Variants in MFAP5 observed in about 807,000 individuals in gnomAD.
MFAP5 encodes microfibril associated protein 5, also known as microfibrillar-associated protein 5.
Under a neutral mutation model 30.1 loss-of-function variants are expected in MFAP5, and 19 were observed. The ratio of observed to expected loss-of-function variants is 0.63; its 90% CI spans 0.44 to 0.93. MFAP5 has a LOEUF of 0.93. MFAP5 is among the 40% of genes least tolerant of loss of function. The pLI, the probability that MFAP5 is intolerant of heterozygous loss-of-function variation, is 0.00. For missense variants in MFAP5, 210 were observed against 221.3 expected (o/e 0.95, Z 0.32); for synonymous variants, 92 against 72.9 (o/e 1.26, Z -1.33).
At chr12:8,654,655 T>C (rs1251623489) in intron 5 of MFAP5, among the ~76,000 whole-genome samples, 174 bp from the exon 6 acceptor site, 2 of 152,150 alleles carry the variant, frequency 1.3e-5, no homozygotes, top group African/African-American at 4.8e-5. Flanking sequence ...TTAAAGAATA[T>C]TAGTCCTGGG....
chr12:8,650,222 C>T (rs1387861161), intron 8 of MFAP5, among the ~76,000 whole-genome samples: 1 of 152,142 alleles, frequency 6.6e-6, no homozygotes. Flanking sequence ...CTCCTTCTAT[C>T]AGGTAATAAA....
chr12:8,660,752 T>C, intron 3 of MFAP5, 111 bp downstream of exon 3: 2 of 655,682 alleles, frequency 3.1e-6, no homozygotes, highest in Non-Finnish European at 4.6e-6. Context: ...AAATATTCTT[T>C]TTTTTTTTTT....
chr12:8,652,744 C>G (rs1467949472), intron 6 of MFAP5, among the ~76,000 whole-genome samples: 1 of 152,168 alleles, frequency 6.6e-6, no homozygotes, highest in African/African-American at 2.4e-5. Flanking sequence ...ACCTATAAAT[C>G]CAACTGCCTT....
intron 5 of MFAP5, 44 bp downstream of exon 5, chr12:8,655,371 A>C (rs1406891730): frequency 6.7e-7 from 1 of 1,501,292 alleles, no homozygotes; most frequent in Non-Finnish European, 9.1e-7. Flanking sequence ...TGTGAATATT[A>C]ACAAGAACCA....
In MFAP5 at chr12:8,649,537, A is replaced by C; in HGVS notation, c.373T>G (p.Ser125Ala). 6.2e-7 allele frequency: 1 copy of C among 1,614,054 alleles called. No homozygotes were observed. The highest frequency in any genetic ancestry group is 1.6e-4 in the Middle Eastern group (1 of 6,062). The change falls in exon 9 of 10, where the codon TCT (serine) becomes GCT (alanine). Residue 125 changes from serine to alanine, a missense_variant. Transcript: ENST00000359478. ...TCGTGTTCCTTACAGACAAGACGAG[A>C]GCAGATCTCCTTGTTGACGATGTAC... Reference protein sequence around the residue: ...RMYIVNKEICSRLVCKEHEAM... With the variant: ...RMYIVNKEICARLVCKEHEAM...
intron 9 of MFAP5, 154 bp from the exon 10 acceptor site, chr12:8,648,357 ATT>A: frequency 1.1e-6 from 1 of 903,990 alleles, no homozygotes; most frequent in Non-Finnish European, 1.6e-6. Context: ...TACTTTAGTT[ATT>A]TGCCACTTCC....
rs1371261487 is a variant in MFAP5, at chr12:8,648,045, C to T, written c.*46G>A. 3 of 1,422,318 alleles carry T rather than the reference C, an allele frequency of 2.1e-6. No homozygotes were observed. The highest frequency in any genetic ancestry group is 1.8e-5 in the Admixed American group (1 of 57,068). The allele number at this position is 1,422,318 out of a possible 1,614,324, so 88.1% of individuals were successfully genotyped here. A position where few individuals can be genotyped will look rare whatever the true frequency, so the allele number is the denominator to read the frequency against. ...ATGGTTGGAGAAGAAGGAGATCCTCCTTCCTCTCACCCATACATTTTTTCT... is the reference window on the plus strand; with the variant it reads ...ATGGTTGGAGAAGAAGGAGATCCTCTTTCCTCTCACCCATACATTTTTTCT... On this transcript the variant is annotated 3_prime_UTR_variant, in exon 10 of 10. Coordinates refer to ENST00000359478, the MANE Select transcript of MFAP5 (RefSeq NM_003480.4).
chr12:8,646,325 C>A lies in MFAP5; in HGVS notation c.*1766G>T, dbSNP rs899277757. The A allele has an allele frequency of 3.9e-5, 6 of 152,078 alleles. No individual in the cohort carries two copies. The highest frequency in any genetic ancestry group is 5.9e-5 in the Non-Finnish European group (4 of 68,012). 9.4% of individuals were successfully genotyped at this position (152,078 alleles called of 1,614,324 possible). On this transcript the variant is annotated 3_prime_UTR_variant, in exon 10 of 10. Coordinates refer to ENST00000359478, the MANE Select transcript of MFAP5 (RefSeq NM_003480.4). ...CTGATCATTTAACTAGTTTTCTCAG[C>A]AATATAAAAGGAATACAACCTCCAC... is the stretch of plus-strand genomic sequence containing the variant.
Position 8,659,127 on chromosome 12 carries a change from G to A in MFAP5, c.94+1736C>T, listed in dbSNP as rs150912995. Among the ~76,000 whole-genome samples, 549 of 151,430 alleles carry A rather than the reference G, an allele frequency of 3.6e-3. 4 individuals are homozygous for A. Among genetic ancestry groups the A allele is most frequent in the African/African-American group, 0.013 (519 of 41,284 alleles). On this transcript the variant is annotated intron_variant, in intron 3 of 9. Coordinates refer to ENST00000359478, the MANE Select transcript of MFAP5 (RefSeq NM_003480.4). ...AGTTTGCGACCAGCCTGACTAACACGGTGAAACCCTGTCTCTACTAAATAC... is the reference window on the plus strand; with the variant it reads ...AGTTTGCGACCAGCCTGACTAACACAGTGAAACCCTGTCTCTACTAAATAC...
chr12:8,661,954 A>C, intron 2 of MFAP5, 93 bp downstream of exon 2: 1 of 1,199,084 alleles, frequency 8.3e-7, no homozygotes, highest in Non-Finnish European at 1.2e-6. Flanking sequence ...CTCTACTGCT[A>C]TTCCTCTTCG....
chr12:8,648,444 G>T (rs1223438517), intron 9 of MFAP5: 3 of 1,049,416 alleles, frequency 2.9e-6, no homozygotes, highest in Non-Finnish European at 2.6e-6. Context: ...TACCTCAACA[G>T]TATATTTCTG....
chr12:8,652,477 T>A, intron 6 of MFAP5, among the ~76,000 whole-genome samples: 1 of 110,296 alleles, frequency 9.1e-6, no homozygotes, highest in Admixed American at 9.5e-5. Flanking sequence ...AATAAATAAA[T>A]AAAGAATAAT....
At chr12:8,656,219 C>G (rs762986649) in intron 3 of MFAP5, among the ~76,000 whole-genome samples, 3 of 151,788 alleles carry the variant, frequency 2.0e-5, no homozygotes, top group Admixed American at 2.0e-4. Flanking sequence ...CGCCACAGCG[C>G]CCGGCTAATT....
At chr12:8,651,916 C>G (rs772633770) in intron 6 of MFAP5, 6 of 540,006 alleles carry the variant, frequency 1.1e-5, no homozygotes, top group Non-Finnish European at 1.7e-5. Flanking sequence ...TTCTCCTTTC[C>G]TTTCTAAAGA....
rs1255888266 is a variant in MFAP5 at position 8,662,799 on chromosome 12, A to G, written c.-175T>C. ...TGAGATGAGGGAGAGCAAGAAAGCC[A>G]GGCTAGGCGTAGAATGTGTGTTACA... On this transcript the variant is annotated 5_prime_UTR_variant, in exon 1 of 10. Transcript: ENST00000359478. The G allele has an allele frequency of 6.6e-6, 1 of 152,392 alleles. No homozygotes were observed. The highest frequency in any genetic ancestry group is 2.4e-5 in the African/African-American group (1 of 41,456). 9.4% of individuals were successfully genotyped at this position (152,392 alleles called of 1,614,324 possible).
intron 6 of MFAP5, among the ~76,000 whole-genome samples, chr12:8,653,558 A>G (rs187143142): frequency 5.9e-5 from 9 of 152,230 alleles, no homozygotes; most frequent in Non-Finnish European, 1.5e-5. Flanking sequence ...TCCCTCTTCT[A>G]TTAACTTAGT....
rs973840514 is a variant in MFAP5, at chr12:8,646,949, T to G, written c.*1142A>C. On this transcript the variant is annotated 3_prime_UTR_variant, in exon 10 of 10. Transcript: ENST00000359478. Reference sequence around the variant, plus strand: ...TGCGCCCAGCAGTACTAAGATAAATTTAACCTTCTCATTTTAAAGATGAGG... The same window carrying G: ...TGCGCCCAGCAGTACTAAGATAAATGTAACCTTCTCATTTTAAAGATGAGG... 3.9e-5 allele frequency: 6 copies of G among 152,176 alleles called. No homozygotes were observed. The highest frequency in any genetic ancestry group is 1.4e-4 in the African/African-American group (6 of 41,436). 9.4% of individuals were successfully genotyped at this position (152,176 alleles called of 1,614,324 possible).
chr12:8,649,539 C>T lies in MFAP5; in HGVS notation c.371G>A (p.Cys124Tyr), dbSNP rs1200077591. The T allele has an allele frequency of 6.8e-6, 11 of 1,614,062 alleles. No homozygotes were observed. The highest frequency in any genetic ancestry group is 9.3e-6 in the Non-Finnish European group (11 of 1,180,010). ...RRMYIVNKEI[C>Y]SRLVCKEHEA... ...GTGTTCCTTACAGACAAGACGAGAG[C>T]AGATCTCCTTGTTGACGATGTACAT... is the stretch of plus-strand genomic sequence containing the variant. The change falls in exon 9 of 10, where the codon TGC becomes TAC. Residue 124 changes from cysteine (C) to tyrosine (Y), a missense_variant. Physicochemically the swap from Cys to Tyr is radical, Grantham distance 194. Transcript: ENST00000359478.
intron 6 of MFAP5, among the ~76,000 whole-genome samples, chr12:8,652,523 G>A (rs186815604): frequency 1.5e-3 from 229 of 152,058 alleles, no homozygotes; most frequent in African/African-American, 5.3e-3. Context: ...ATTTAACATG[G>A]GCCTTATTCA....
Sources: allele counts gnomAD v4.1 joint callset (sites outside exome capture counted in the v4.1 genomes callset), GRCh38; gene constraint gnomAD v4.1.1; transcripts MANE v1.5; gene names NCBI Gene and HGNC (gene_info 2026-07-23, HGNC 2026-07-21).